The following NAALADL2 variants were observed in gnomAD, a reference collection of about 807,000 sequenced individuals.
The protein encoded by NAALADL2 is inactive N-acetylated-alpha-linked acidic dipeptidase-like protein 2.
Under a neutral mutation model 87.2 loss-of-function variants are expected in NAALADL2, and 76 were observed. That is an observed-to-expected ratio of 0.87 (90% CI 0.72 to 1.05). The LOEUF (loss-of-function observed/expected upper bound fraction) is 1.05, where lower values mean the gene tolerates loss of function less well. Ranked by LOEUF, NAALADL2 falls within the 50% of genes least tolerant of loss-of-function variation. The pLI, the probability that NAALADL2 is intolerant of heterozygous loss-of-function variation, is 0.00. For missense variants in NAALADL2, 1,089 were observed against 945.8 expected (o/e 1.15, Z -1.99); for synonymous variants, 354 against 331.0 (o/e 1.07, Z -0.75).
chr3:175,702,164 A>C (rs1032363976), intron 11 of NAALADL2, among the ~76,000 whole-genome samples: 2 of 152,200 alleles, frequency 1.3e-5, no homozygotes, highest in African/African-American at 4.8e-5. Flanking sequence ...AAAAAGAAAC[A>C]CAAAGTTAAT....
chr3:175,011,280 C>CAGAG (rs139229550), intron 1 of NAALADL2, among the ~76,000 whole-genome samples: 2,251 of 113,464 alleles, frequency 0.02, 32 homozygotes, highest in Admixed American at 0.03. Context: ...GACAGAGAGA[C>CAGAG]AGAGAGAGAG....
intron 11 of NAALADL2, among the ~76,000 whole-genome samples, chr3:175,717,361 A>T (rs918621301): frequency 2.0e-5 from 3 of 152,160 alleles, no homozygotes; most frequent in Admixed American, 6.6e-5. Flanking sequence ...CAGCCTTAGA[A>T]CAAGTCACAA....
intron 4 of NAALADL2, among the ~76,000 whole-genome samples, chr3:175,314,621 GTTTTGA>G (rs1758814843): frequency 1.2e-5 from 1 of 83,798 alleles, no homozygotes; most frequent in Admixed American, 1.5e-4. Flanking sequence ...CTGTAAAATA[GTTTTGA>G]AAAGTAAAAT....
At chr3:174,710,403 C>A (rs190360008) in intron 2 of NAALADL2, among the ~76,000 whole-genome samples, 1 of 151,964 alleles carries the variant, frequency 6.6e-6, no homozygotes, top group East Asian at 1.9e-4. Flanking sequence ...TACAAGAATG[C>A]ACCACCACAC....
Position 175,233,927 on chromosome 3 carries a change from T to C in NAALADL2, c.546-4T>C, listed in dbSNP as rs1253676485. 6.5e-7 allele frequency: 1 copy of C among 1,531,718 alleles called. No homozygotes were observed. The highest frequency in any genetic ancestry group is 1.4e-5 in the African/African-American group (1 of 72,238). 94.9% of individuals were successfully genotyped at this position (1,531,718 alleles called of 1,614,324 possible). The stretch of plus-strand genomic sequence containing the variant: ...AAAAAGTTTTCTTTTCAAATTTATT[T>C]CAGAAATTTGGTACAACTATATAAA... On this transcript the variant is annotated splice_region_variant and splice_polypyrimidine_tract_variant and intron_variant, in intron 2 of 13. Coordinates refer to ENST00000454872, the MANE Select transcript of NAALADL2 (RefSeq NM_207015.3).
At chr3:174,456,557 G>T (rs1715851734) in intron 1 of NAALADL2, among the ~76,000 whole-genome samples, 1 of 151,814 alleles carries the variant, frequency 6.6e-6, no homozygotes, top group South Asian at 2.1e-4. Context: ...CAGAAATAAG[G>T]CCACATACCT....
chr3:174,825,420 G>A (rs758031884), intron 3 of NAALADL2, among the ~76,000 whole-genome samples: 43 of 152,326 alleles, frequency 2.8e-4, no homozygotes, highest in Admixed American at 1.2e-3. Flanking sequence ...TAAGGAGAGG[G>A]AGAGAATTTG....
chr3:175,460,779 C>T (rs751786403), intron 6 of NAALADL2, among the ~76,000 whole-genome samples: 4 of 152,164 alleles, frequency 2.6e-5, no homozygotes, highest in Non-Finnish European at 5.9e-5. Context: ...GGGACTATAG[C>T]ATCCACACTG....
chr3:175,146,084 G>A (rs940127448), intron 2 of NAALADL2, among the ~76,000 whole-genome samples: 2 of 152,002 alleles, frequency 1.3e-5, no homozygotes, highest in African/African-American at 2.4e-5. Context: ...AGTAAGATTC[G>A]TGATTCTTAC....
chr3:175,078,828 T>C (rs1286768250), intron 1 of NAALADL2, among the ~76,000 whole-genome samples: 1 of 152,244 alleles, frequency 6.6e-6, no homozygotes, highest in Admixed American at 6.5e-5. Flanking sequence ...TTATTTATCC[T>C]TCCGTCAGTC....
At chr3:174,709,066 T>A (rs561521009) in intron 2 of NAALADL2, among the ~76,000 whole-genome samples, 1 of 152,122 alleles carries the variant, frequency 6.6e-6, no homozygotes, top group African/African-American at 2.4e-5. Context: ...AGGTACAACA[T>A]CATATGGTGC....
intron 1 of NAALADL2, among the ~76,000 whole-genome samples, chr3:175,094,074 T>C (rs976517076): frequency 1.4e-4 from 21 of 151,846 alleles, no homozygotes; most frequent in African/African-American, 4.6e-4. Flanking sequence ...GTAACTCCCA[T>C]GTGTCAAGTC....
At position 175,065,233 on chromosome 3, in the gene NAALADL2, G is replaced by A. The variant is rs137928797; in HGVS notation, c.44-31557G>A. 7.2e-5 allele frequency among the ~76,000 whole-genome samples: 11 copies of A among 152,204 alleles called. No individual in the cohort carries two copies. The East Asian group carries it at 2.1e-3, about 29-fold the overall frequency. On this transcript the variant is annotated intron_variant, in intron 1 of 13. Transcript: ENST00000454872. ...CTGCTTGATGGACCCACATTTAGGA[G>A]ACGCTTAACAACCTAGTGCTTCTAT... is the stretch of plus-strand genomic sequence containing the variant.
intron 1 of NAALADL2, among the ~76,000 whole-genome samples, chr3:175,043,779 G>A (rs961832747): frequency 2.0e-5 from 3 of 152,074 alleles, no homozygotes; most frequent in Admixed American, 2.0e-4. Flanking sequence ...AATTACTAGA[G>A]CTTTGTAATA....
chr3:175,219,665 T>C (rs933691914), intron 2 of NAALADL2, among the ~76,000 whole-genome samples: 1 of 152,088 alleles, frequency 6.6e-6, no homozygotes. Flanking sequence ...ATCTGAAATA[T>C]CATTACATAT....
In NAALADL2 at chr3:175,586,091, G is replaced by A. The variant is rs1222888817; in HGVS notation, c.1800+9904G>A. Among the ~76,000 whole-genome samples the A allele has an allele frequency of 2.0e-5, 3 of 152,138 alleles. No individual in the cohort carries two copies. In the East Asian group the frequency reaches 5.8e-4, roughly 29 times the overall value. ...CTCATCTGGAGCTCAAATAGCTGTG[G>A]ATGATGACTATGGCCATGAATGAAT... On this transcript the variant is annotated intron_variant, in intron 10 of 13. Transcript: ENST00000454872.
chr3:174,803,949 C>T (rs1188569369), intron 3 of NAALADL2, among the ~76,000 whole-genome samples: 5 of 152,018 alleles, frequency 3.3e-5, no homozygotes, highest in South Asian at 2.1e-4. Flanking sequence ...CGTGGCTATG[C>T]GGGCTCTTTT....
chr3:175,054,383 A>G (rs1337561749), intron 1 of NAALADL2, among the ~76,000 whole-genome samples: 4 of 152,212 alleles, frequency 2.6e-5, no homozygotes, highest in Non-Finnish European at 5.9e-5. Context: ...ATTAAGGGCC[A>G]ATTTTTTGGA....
chr3:175,533,139 A>G (rs1734328824), intron 9 of NAALADL2, among the ~76,000 whole-genome samples: 1 of 152,206 alleles, frequency 6.6e-6, no homozygotes, highest in South Asian at 2.1e-4. Flanking sequence ...GTCCCTACTT[A>G]GTGGGCCCAA....
Sources: gnomAD v4.1 joint callset for allele counts (sites outside exome capture counted in the v4.1 genomes callset) on GRCh38, gnomAD v4.1.1 for gene constraint, MANE v1.5 for transcripts, NCBI Gene and HGNC (gene_info 2026-07-23, HGNC 2026-07-21) for gene names.